Variants in CNOT4 observed in about 807,000 individuals in gnomAD.
CNOT4 encodes CCR4-NOT transcription complex subunit 4.
A neutral mutation model predicts 73.8 loss-of-function variants in CNOT4; 8 were observed. That is an observed-to-expected ratio of 0.11 (90% CI 0.06 to 0.20). CNOT4 has a LOEUF of 0.20. CNOT4 is among the 10% of genes least tolerant of loss of function. The pLI, the probability that CNOT4 is intolerant of heterozygous loss-of-function variation, is 1.00. For synonymous variants in CNOT4, 293 were observed against 321.1 expected (o/e 0.91, Z 0.94); for missense variants, 564 against 883.4 (o/e 0.64, Z 4.58).
At chr7:135,470,613 A>G (rs1034594419) in intron 1 of CNOT4, among the ~76,000 whole-genome samples, 2 of 152,114 alleles carry the variant, frequency 1.3e-5, no homozygotes, top group Admixed American at 1.3e-4. Context: ...ATGTAAATGA[A>G]TAAATGAACT....
chr7:135,393,953 T>G lies in CNOT4; in HGVS notation c.1592A>C (p.Gln531Pro). The G allele has an allele frequency of 6.2e-7, 1 of 1,611,936 alleles. No individual in the cohort carries two copies. The highest frequency in any genetic ancestry group is 1.1e-5 in the South Asian group (1 of 91,028). ...SNFLDLNLPP[Q>P]HNTGLGGIPV... ...GATCCCTCCCAGACCTGTGTTGTGC[T>G]GTGGCGGGAGATTCAAGTCCAAGAA... Residue 531 changes from glutamine (Q) to proline (P), a missense_variant, in exon 10 of 12, where the codon CAG becomes CCG. Around this residue, in one of 10 missense-constraint regions of CNOT4, gnomAD observed 153 missense variants for 158.7 expected, o/e 0.96. Transcript: ENST00000541284.
At chr7:135,391,569 T>C (rs1399160257) in intron 10 of CNOT4, among the ~76,000 whole-genome samples, 1 of 152,078 alleles carries the variant, frequency 6.6e-6, no homozygotes, top group Non-Finnish European at 1.5e-5. Flanking sequence ...TGGTTGAGTA[T>C]ATGGTAAAAG....
chr7:135,409,747 A>G (rs1472340279), intron 7 of CNOT4, among the ~76,000 whole-genome samples: 1 of 152,160 alleles, frequency 6.6e-6, no homozygotes, highest in Non-Finnish European at 1.5e-5. Context: ...TCATTTGATA[A>G]AAGTTAAACT....
intron 1 of CNOT4, among the ~76,000 whole-genome samples, chr7:135,501,452 AGAG>A (rs1424055913): frequency 2.6e-5 from 4 of 152,226 alleles, no homozygotes; most frequent in African/African-American, 9.6e-5. Context: ...GAGGGACTAA[AGAG>A]AAGATGGAAT....
chr7:135,471,125 G>T (rs964015022), intron 1 of CNOT4, among the ~76,000 whole-genome samples: 2 of 152,082 alleles, frequency 1.3e-5, no homozygotes, highest in Non-Finnish European at 2.9e-5. Flanking sequence ...CCCAACAGTG[G>T]GTTGAGGGAG....
At chr7:135,436,940 T>G (rs1487005641) in intron 2 of CNOT4, among the ~76,000 whole-genome samples, 2 of 152,114 alleles carry the variant, frequency 1.3e-5, no homozygotes, top group Non-Finnish European at 2.9e-5. Context: ...TTAAAATGGG[T>G]AATTAGAAAA....
At chr7:135,384,789 A>G (rs185966275) in intron 10 of CNOT4, 1 of 753,564 alleles carries the variant, frequency 1.3e-6, no homozygotes, top group African/African-American at 1.7e-5. Context: ...TCTAAGATCT[A>G]CCACCCATCT....
intron 1 of CNOT4, among the ~76,000 whole-genome samples, chr7:135,468,890 G>C (rs1027982147): frequency 6.6e-6 from 1 of 151,918 alleles, no homozygotes; most frequent in Non-Finnish European, 1.5e-5. Flanking sequence ...TCCAAGGAAG[G>C]CTACAAAGAA....
chr7:135,363,131 T>C lies in CNOT4; in HGVS notation c.1896A>G (p.Pro632=). The part of the protein sequence containing the change: ...SLDSLQDDNP[P]HWLKSLQALT... ...GGGCCTGAAGGGATTTTAGCCAGTG[T>C]GGAGGATTGTCATCTTGAAGAGAGT... Residue 632 remains proline (P), a synonymous_variant, in exon 12 of 12, where the codon CCA becomes CCG. Transcript: ENST00000541284. The surrounding 1 kb of genome is among the most constrained non-coding windows in gnomAD (Gnocchi z 4.3). 6.2e-7 allele frequency: 1 copy of C among 1,613,906 alleles called. No individual in the cohort carries two copies. The highest frequency in any genetic ancestry group is 8.5e-7 in the Non-Finnish European group (1 of 1,180,010).
At chr7:135,370,215 G>A (rs1413070920) in intron 10 of CNOT4, among the ~76,000 whole-genome samples, 3 of 152,074 alleles carry the variant, frequency 2.0e-5, no homozygotes, top group Admixed American at 6.5e-5. Flanking sequence ...GGATTAAGTG[G>A]AAAATCTTAA....
At chr7:135,469,980 C>T (rs1399695085) in intron 1 of CNOT4, among the ~76,000 whole-genome samples, 1 of 152,046 alleles carries the variant, frequency 6.6e-6, no homozygotes, top group Non-Finnish European at 1.5e-5. Context: ...CACCACTATG[C>T]CTGGCTAATT....
At chr7:135,507,652 C>T (rs1470474922) in intron 1 of CNOT4, among the ~76,000 whole-genome samples, 1 of 152,152 alleles carries the variant, frequency 6.6e-6, no homozygotes, top group East Asian at 1.9e-4. Context: ...CTCCCTTCTA[C>T]CAGACAAACA....
chr7:135,397,821 G>C (rs75729313), intron 8 of CNOT4, among the ~76,000 whole-genome samples: 2 of 152,080 alleles, frequency 1.3e-5, no homozygotes, highest in Non-Finnish European at 2.9e-5. Context: ...AGAGAGCAAG[G>C]GGCAAGGGGA....
chr7:135,453,802 ATATATATAATAAATATATATATTT>A (rs1800326636), intron 1 of CNOT4, among the ~76,000 whole-genome samples: 1 of 131,038 alleles, frequency 7.6e-6, no homozygotes, highest in Non-Finnish European at 1.6e-5. Context: ...TTATATATAA[ATATATATAATAAATATATATATTT>A]TATATATATA....
intron 1 of CNOT4, among the ~76,000 whole-genome samples, chr7:135,465,571 A>G (rs747245919): frequency 2.6e-5 from 4 of 152,190 alleles, no homozygotes; most frequent in Admixed American, 2.6e-4. Context: ...CCGGAAAAGC[A>G]GCCTCAGGCG....
intron 7 of CNOT4, 73 bp from the exon 8 acceptor site, chr7:135,398,299 A>G (rs1256296616): frequency 7.9e-6 from 6 of 763,236 alleles, no homozygotes; most frequent in Non-Finnish European, 1.3e-5. Flanking sequence ...ACTCCTCAAA[A>G]GAAAAAAAAA....
At chr7:135,395,327 G>A (rs879305456) in intron 9 of CNOT4, among the ~76,000 whole-genome samples, 6 of 151,872 alleles carry the variant, frequency 4.0e-5, no homozygotes, top group African/African-American at 9.7e-5. Flanking sequence ...CAGCCTGGGC[G>A]AGAGACCAAG....
At chr7:135,402,842 C>T (rs556467205) in intron 7 of CNOT4, among the ~76,000 whole-genome samples, 3 of 152,264 alleles carry the variant, frequency 2.0e-5, no homozygotes, top group Admixed American at 6.5e-5. Context: ...AAAGGCAATG[C>T]TTGAATTTTA....
chr7:135,488,140 A>C (rs1284396668), intron 1 of CNOT4, among the ~76,000 whole-genome samples: 2 of 148,880 alleles, frequency 1.3e-5, no homozygotes, highest in Non-Finnish European at 3.0e-5. Flanking sequence ...GATTTTTTTC[A>C]AAAAAAAAAT....
Sources: allele counts gnomAD v4.1 joint callset (sites outside exome capture counted in the v4.1 genomes callset), GRCh38; gene constraint gnomAD v4.1.1; regional missense constraint gnomAD v4.1.1; non-coding constraint Gnocchi (gnomAD v3.1); transcripts MANE v1.5; gene names NCBI Gene and HGNC (gene_info 2026-07-23, HGNC 2026-07-21).